The following COL23A1 variants were observed in gnomAD, a reference collection of about 807,000 sequenced individuals.
COL23A1 encodes the protein collagen alpha-1(XXIII) chain.
Under a neutral mutation model 99.3 loss-of-function variants are expected in COL23A1, and 97 were observed. That is an observed-to-expected ratio of 0.98 (90% CI 0.83 to 1.16). COL23A1 has a LOEUF of 1.16. Ranked by LOEUF, COL23A1 falls within the 50% of genes most tolerant of loss-of-function variation. The pLI is 0.00. For synonymous variants in COL23A1, 320 were observed against 308.2 expected, an observed-to-expected ratio of 1.04 and a Z score of -0.40; for missense variants, 762 against 757.4, an observed-to-expected ratio of 1.01 and a Z score of -0.07.
intron 2 of COL23A1, among the ~76,000 whole-genome samples, chr5:178,489,597 G>A (rs1396397210): frequency 6.6e-6 from 1 of 152,092 alleles, no homozygotes; most frequent in Non-Finnish European, 1.5e-5. Context: ...CTGGGGCTGG[G>A]GGAGAGGCAG....
At position 178,259,676 on chromosome 5, in the gene COL23A1, A is replaced by C. The variant is rs766869564; in HGVS notation, c.729+45T>G. Reference sequence around the variant, plus strand: ...CCAGCCCCTGCCCTTCTCTCCAGCCACTTCCCAACACTGACCCGGAAGCTC... The same window carrying C: ...CCAGCCCCTGCCCTTCTCTCCAGCCCCTTCCCAACACTGACCCGGAAGCTC... On this transcript the variant is annotated intron_variant, in intron 12 of 28. Coordinates refer to ENST00000390654, the MANE Select transcript of COL23A1 (RefSeq NM_173465.4). The C allele has an allele frequency of 9.4e-6, 13 of 1,386,220 alleles. No homozygotes were observed. The Admixed American group carries it at 1.7e-4, about 19-fold the overall frequency. 85.9% of individuals were successfully genotyped at this position (1,386,220 alleles called of 1,614,324 possible).
At chr5:178,534,659 A>G (rs1252153114) in intron 2 of COL23A1, among the ~76,000 whole-genome samples, 2 of 152,112 alleles carry the variant, frequency 1.3e-5, no homozygotes, top group South Asian at 2.1e-4. Context: ...CATGCCTGTA[A>G]TCCCAGCTAC....
intron 1 of COL23A1, among the ~76,000 whole-genome samples, chr5:178,587,971 G>C (rs968638117): frequency 6.6e-6 from 1 of 152,174 alleles, no homozygotes; most frequent in African/African-American, 2.4e-5. Flanking sequence ...CTCCACTGGC[G>C]GGAAAACCCA....
rs966770988 is a variant in COL23A1 at position 178,469,561 on chromosome 5, G to A, written c.361+91121C>T. On this transcript the variant is annotated intron_variant, in intron 2 of 28. Transcript: ENST00000390654. Reference sequence around the variant, plus strand: ...ATGGGCAGTCTGTAGCTGGGGCCCCGGGGAAAGACCACAGCTGAGCACTCT... The same window carrying A: ...ATGGGCAGTCTGTAGCTGGGGCCCCAGGGAAAGACCACAGCTGAGCACTCT... Among the ~76,000 whole-genome samples the A allele has an allele frequency of 1.4e-4, 21 of 152,148 alleles. 1 individual carries two copies. In the East Asian group the frequency reaches 1.7e-3, roughly 13 times the overall value.
intron 18 of COL23A1, among the ~76,000 whole-genome samples, chr5:178,249,683 A>AACAC (rs746295532): frequency 0.026 from 3,049 of 118,120 alleles, 70 homozygotes; most frequent in African/African-American, 0.033. Context: ...TGTATAGGAT[A>AACAC]ACACACACAC....
At chr5:178,256,995 G>A (rs983550558) in intron 13 of COL23A1, 67 bp from the exon 14 acceptor site, 1 of 1,487,716 alleles carries the variant, frequency 6.7e-7, no homozygotes, top group Non-Finnish European at 9.2e-7. Context: ...TTGGAGGGGG[G>A]CGTGCCTCGG....
rs70997606 is a variant in COL23A1 at position 178,517,568 on chromosome 5, G to GTTTTTTTTTTTTTT, written c.361+43113_361+43114insAAAAAAAAAAAAAA. ...TCTCGGTGACAGCAGTTTTTTTTTTGTTTTTTTTTTTGAGATGGAGTCTCA... is the reference window on the plus strand; with the variant it reads ...TCTCGGTGACAGCAGTTTTTTTTTTGTTTTTTTTTTTTTTTTTTTTTTTTTGAGATGGAGTCTCA... On this transcript the variant is annotated intron_variant, in intron 2 of 28. Transcript: ENST00000390654. Among the ~76,000 whole-genome samples, 63 of 108,248 alleles carry GTTTTTTTTTTTTTT rather than the reference G, an allele frequency of 5.8e-4. 9 individuals are homozygous for GTTTTTTTTTTTTTT. The highest frequency in any genetic ancestry group is 1.7e-3 in the African/African-American group (44 of 25,954). 71.0% of individuals were successfully genotyped at this position (108,248 alleles called of 152,430 possible).
intron 2 of COL23A1, among the ~76,000 whole-genome samples, chr5:178,411,634 G>T (rs1561948194): frequency 6.6e-6 from 1 of 152,210 alleles, no homozygotes; most frequent in Non-Finnish European, 1.5e-5. Flanking sequence ...GGAGGAGGGG[G>T]AAATGGGGGA....
At chr5:178,380,519 T>C (rs1028564679) in intron 2 of COL23A1, among the ~76,000 whole-genome samples, 2 of 152,168 alleles carry the variant, frequency 1.3e-5, no homozygotes, top group African/African-American at 4.8e-5. Context: ...GATCAGGAGT[T>C]CCAAGTTTTG....
At chr5:178,328,275 C>T (rs764414094) in intron 2 of COL23A1, among the ~76,000 whole-genome samples, 5 of 152,212 alleles carry the variant, frequency 3.3e-5, no homozygotes, top group South Asian at 2.1e-4. Context: ...CGCCCCACTG[C>T]GTTTTCACCT....
intron 2 of COL23A1, among the ~76,000 whole-genome samples, chr5:178,337,585 C>G (rs1337207680): frequency 6.6e-6 from 1 of 152,064 alleles, no homozygotes; most frequent in Non-Finnish European, 1.5e-5. Flanking sequence ...GCCAGACTCC[C>G]TGCTCTGGGG....
chr5:178,344,301 T>C (rs936979255), intron 2 of COL23A1, among the ~76,000 whole-genome samples: 12 of 152,226 alleles, frequency 7.9e-5, no homozygotes, highest in African/African-American at 2.9e-4. Context: ...AAACAGTTGT[T>C]ACACTGTATT....
chr5:178,406,428 C>CTTTT (rs61274419), intron 2 of COL23A1, among the ~76,000 whole-genome samples: 28 of 142,028 alleles, frequency 2.0e-4, no homozygotes, highest in Non-Finnish European at 1.8e-4. Flanking sequence ...TACCTACACT[C>CTTTT]TTTTTTTTTT....
intron 2 of COL23A1, among the ~76,000 whole-genome samples, chr5:178,545,014 G>A (rs964309073): frequency 2.6e-4 from 40 of 152,188 alleles, no homozygotes; most frequent in African/African-American, 5.8e-4. Context: ...CATTGAGCCC[G>A]GGAATTCAAG....
chr5:178,456,239 C>G (rs1767785947), intron 2 of COL23A1, among the ~76,000 whole-genome samples: 1 of 152,162 alleles, frequency 6.6e-6, no homozygotes, highest in African/African-American at 2.4e-5. Context: ...CTATACTTCC[C>G]TAGGCTTCTA....
At chr5:178,349,435 G>T (rs1761177480) in intron 2 of COL23A1, among the ~76,000 whole-genome samples, 1 of 152,128 alleles carries the variant, frequency 6.6e-6, no homozygotes, top group East Asian at 1.9e-4. Flanking sequence ...CTTTATTAAA[G>T]TCACAATAGA....
At chr5:178,432,713 A>G (rs2127821354) in intron 2 of COL23A1, among the ~76,000 whole-genome samples, 1 of 152,006 alleles carries the variant, frequency 6.6e-6, no homozygotes, top group African/African-American at 2.4e-5. Flanking sequence ...AAGGCAAAGA[A>G]CCCCTAAGCC....
At chr5:178,405,636 C>A (rs1224157375) in intron 2 of COL23A1, among the ~76,000 whole-genome samples, 1 of 152,124 alleles carries the variant, frequency 6.6e-6, no homozygotes, top group Non-Finnish European at 1.5e-5. Context: ...GGATGCACGA[C>A]GACCACCACT....
At chr5:178,462,703 A>G (rs897242047) in intron 2 of COL23A1, among the ~76,000 whole-genome samples, 13 of 152,264 alleles carry the variant, frequency 8.5e-5, no homozygotes, top group African/African-American at 3.1e-4. Context: ...AAACAAAAAA[A>G]TCAAAACCTT....
Sources: gnomAD v4.1 joint callset for allele counts (sites outside exome capture counted in the v4.1 genomes callset) on GRCh38, gnomAD v4.1.1 for gene constraint, MANE v1.5 for transcripts, NCBI Gene and HGNC (gene_info 2026-07-23, HGNC 2026-07-21) for gene names.